The following HNRNPLL variants were observed in gnomAD, a reference collection of about 807,000 sequenced individuals.
The protein encoded by HNRNPLL is heterogeneous nuclear ribonucleoprotein L-like.
Under a neutral mutation model 67.1 loss-of-function variants are expected in HNRNPLL, and 25 were observed. That is an observed-to-expected ratio of 0.37 (90% CI 0.27 to 0.52). The LOEUF (loss-of-function observed/expected upper bound fraction) is 0.52. Ranked by LOEUF, HNRNPLL falls within the 20% of genes least tolerant of loss-of-function variation. HNRNPLL has a pLI of 0.90. For missense variants in HNRNPLL, 542 were observed against 673.9 expected (o/e 0.80, Z 2.17); for synonymous variants, 267 against 241.7 (o/e 1.10, Z -0.97).
Position 38,583,831 on chromosome 2 carries a change from TA to T in HNRNPLL, c.632+9del. The T allele has an allele frequency of 7.4e-7, 1 of 1,344,970 alleles. No homozygotes were observed. Among genetic ancestry groups the T allele is most frequent in the Non-Finnish European group, 1.0e-6 (1 of 959,788 alleles). The allele number at this position is 1,344,970 out of a possible 1,614,324, so 83.3% of individuals were successfully genotyped here. On this transcript the variant is annotated intron_variant, in intron 4 of 12. Transcript: ENST00000449105. Reference sequence around the variant, plus strand: ...TTACACATCAATAAAAATTTACAAATAAAGGATATTCAACCATTGCTTGTAT... The same window carrying T: ...TTACACATCAATAAAAATTTACAAATAAGGATATTCAACCATTGCTTGTAT...
intron 7 of HNRNPLL, among the ~76,000 whole-genome samples, chr2:38,576,382 T>C (rs919601452): frequency 6.6e-6 from 1 of 151,834 alleles, no homozygotes; most frequent in Non-Finnish European, 1.5e-5. Context: ...CCATGTTTAA[T>C]GTTTACTCTG....
rs183949931 is a variant in HNRNPLL, at chr2:38,564,903, T to C, written c.1574-666A>G. ...CTTGGGAAGTAGGTCAAAGCTGGAA[T>C]GTACATGAAGACATCTATGATCCCA... On this transcript the variant is annotated intron_variant, in intron 12 of 12. Transcript: ENST00000449105. Among the ~76,000 whole-genome samples the C allele has an allele frequency of 3.3e-3, 500 of 151,754 alleles. 2 individuals carry two copies. The highest frequency in any genetic ancestry group is 5.4e-3 in the Non-Finnish European group (365 of 67,962).
At chr2:38,576,713 T>A (rs10186867) in intron 7 of HNRNPLL, among the ~76,000 whole-genome samples, 1,796 of 152,000 alleles carry the variant, frequency 0.012, 36 homozygotes, top group African/African-American at 0.041. Flanking sequence ...ATCCCAAGAC[T>A]ACAATATAGC....
intron 1 of HNRNPLL, chr2:38,602,195 A>T: frequency 2.3e-6 from 1 of 442,522 alleles, no homozygotes. Flanking sequence ...ACCCTCCCCA[A>T]GTTCAGGGCC....
rs747701193 is a variant in HNRNPLL at position 38,591,665 on chromosome 2, A to G, written c.190-17T>C. On this transcript the variant is annotated splice_polypyrimidine_tract_variant and intron_variant, in intron 1 of 12. Transcript: ENST00000449105. The stretch of plus-strand genomic sequence containing the variant: ...ACCTGCCTCCTAGCAAGAGAAAATA[A>G]TTTCTAGTTAAAAAAATTTTAAGTC... 1 of 1,562,172 alleles carries G rather than the reference A, an allele frequency of 6.4e-7. No homozygotes were observed. Among genetic ancestry groups the G allele is most frequent in the South Asian group, 1.1e-5 (1 of 89,872 alleles).
intron 2 of HNRNPLL, among the ~76,000 whole-genome samples, chr2:38,586,324 C>A (rs536185100): frequency 6.6e-6 from 1 of 152,228 alleles, no homozygotes; most frequent in African/African-American, 2.4e-5. Flanking sequence ...ACTCTTAAAT[C>A]ATCTGAAGAA....
intron 4 of HNRNPLL, among the ~76,000 whole-genome samples, chr2:38,582,538 T>C (rs1666571468): frequency 6.6e-6 from 1 of 152,138 alleles, no homozygotes; most frequent in Non-Finnish European, 1.5e-5. Flanking sequence ...TCTCGATCTC[T>C]TGACTTCGTG....
At chr2:38,600,154 G>A (rs1667367001) in intron 1 of HNRNPLL, 1 of 213,150 alleles carries the variant, frequency 4.7e-6, no homozygotes, top group Admixed American at 5.8e-5. Flanking sequence ...GATAAACAAG[G>A]CTTCATTAGA....
chr2:38,588,698 TAC>T (rs1219701108), intron 2 of HNRNPLL, among the ~76,000 whole-genome samples: 1 of 152,224 alleles, frequency 6.6e-6, no homozygotes, highest in South Asian at 2.1e-4. Context: ...ACTAAAATGT[TAC>T]AGACATTTTA....
chr2:38,579,378 G>A (rs1028439565), intron 6 of HNRNPLL, among the ~76,000 whole-genome samples: 10 of 151,774 alleles, frequency 6.6e-5, no homozygotes, highest in African/African-American at 2.2e-4. Flanking sequence ...CCTGCACATT[G>A]TGCACATGTA....
At chr2:38,596,231 T>C (rs1667183248) in intron 1 of HNRNPLL, among the ~76,000 whole-genome samples, 1 of 152,308 alleles carries the variant, frequency 6.6e-6, no homozygotes, top group South Asian at 2.1e-4. Context: ...CTGTACTATA[T>C]ACTGGTGACA....
In HNRNPLL at chr2:38,563,405, T is replaced by C. The variant is rs748972124; in HGVS notation, c.*777A>G. On this transcript the variant is annotated 3_prime_UTR_variant, in exon 13 of 13. Coordinates refer to ENST00000449105, the MANE Select transcript of HNRNPLL (RefSeq NM_138394.4). Reference sequence around the variant, plus strand: ...AGCCCACCCATGGATCCCAGATTATTATCTATAAGAGGAACTGTTAATTAT... The same window carrying C: ...AGCCCACCCATGGATCCCAGATTATCATCTATAAGAGGAACTGTTAATTAT... The C allele has an allele frequency of 9.2e-5, 14 of 152,118 alleles. No homozygotes were observed. Among genetic ancestry groups the C allele is most frequent in the Non-Finnish European group, 1.8e-4 (12 of 67,956 alleles). 9.4% of individuals were successfully genotyped at this position (152,118 alleles called of 1,614,324 possible).
At chr2:38,600,278 A>T (rs993203750) in intron 1 of HNRNPLL, among the ~76,000 whole-genome samples, 2 of 145,342 alleles carry the variant, frequency 1.4e-5, no homozygotes, top group African/African-American at 4.9e-5. Context: ...CAATCTGCTT[A>T]TATCAGTTCC....
intron 1 of HNRNPLL, among the ~76,000 whole-genome samples, chr2:38,595,902 G>A (rs539717048): frequency 2.0e-5 from 3 of 152,132 alleles, no homozygotes; most frequent in African/African-American, 4.8e-5. Flanking sequence ...GGAAGATAAC[G>A]ATTATTTCAA....
intron 6 of HNRNPLL, chr2:38,578,145 A>C: frequency 2.6e-6 from 1 of 381,496 alleles, no homozygotes; most frequent in Non-Finnish European, 5.4e-6. Context: ...TCTATTGACC[A>C]TAACACCAGG....
chr2:38,573,466 T>G lies in HNRNPLL; in HGVS notation c.875-39A>C, dbSNP rs778037372. ...CAAAATAAATAAATTAGTTAACATA[T>G]ACACATAGTTGTTTGTAAATACTTT... On this transcript the variant is annotated intron_variant, in intron 7 of 12. Coordinates refer to ENST00000449105, the MANE Select transcript of HNRNPLL (RefSeq NM_138394.4). 1.3e-5 allele frequency: 17 copies of G among 1,299,088 alleles called. No homozygotes were observed. In the South Asian group the frequency reaches 1.9e-4, roughly 14 times the overall value. The allele number at this position is 1,299,088 out of a possible 1,614,324, so 80.5% of individuals were successfully genotyped here. A position where few individuals can be genotyped will look rare whatever the true frequency, so the allele number is the denominator to read the frequency against.
intron 2 of HNRNPLL, among the ~76,000 whole-genome samples, chr2:38,589,843 T>C (rs1008561971): frequency 2.6e-5 from 4 of 152,152 alleles, no homozygotes; most frequent in Admixed American, 2.0e-4. Flanking sequence ...AGAAAATAAA[T>C]TTTAAAGCCC....
In HNRNPLL at chr2:38,602,904, T is replaced by C. The variant is rs778326900; in HGVS notation, c.-278A>G. 1.3e-6 allele frequency: 2 copies of C among 1,534,928 alleles called. No homozygotes were observed. The highest frequency in any genetic ancestry group is 1.4e-5 in the African/African-American group (1 of 72,514). On this transcript the variant is annotated 5_prime_UTR_variant, in exon 1 of 13. Coordinates refer to ENST00000449105, the MANE Select transcript of HNRNPLL (RefSeq NM_138394.4). Reference sequence around the variant, plus strand: ...CTCCTCCTCCTCCGTCTCCGCTCCCTGCCCGGAGGAGCGAATCTAAGGATG... The same window carrying C: ...CTCCTCCTCCTCCGTCTCCGCTCCCCGCCCGGAGGAGCGAATCTAAGGATG...
At position 38,583,846 on chromosome 2, in the gene HNRNPLL, C is replaced by A; in HGVS notation, c.627G>T (p.Met209Ile). The change falls in exon 4 of 13, where the codon ATG (methionine) becomes ATT (isoleucine). Residue 209 changes from methionine to isoleucine, a missense_variant. By Grantham distance (10) the Met-to-Ile change is conservative. Coordinates refer to ENST00000449105, the MANE Select transcript of HNRNPLL (RefSeq NM_138394.4). ...VIFKRNGIQA[M>I]VEFESVLCAQ... ...AATTTACAAATAAAGGATATTCAAC[C>A]ATTGCTTGTATCCCATTTCTCTTGA... 1 of 1,477,872 alleles carries A rather than the reference C, an allele frequency of 6.8e-7. No homozygotes were observed. The highest frequency in any genetic ancestry group is 1.2e-5 in the South Asian group (1 of 83,226). 91.5% of individuals were successfully genotyped at this position (1,477,872 alleles called of 1,614,324 possible). A position where few individuals can be genotyped will look rare whatever the true frequency, so the allele number is the denominator to read the frequency against.
Sources: allele counts gnomAD v4.1 joint callset (sites outside exome capture counted in the v4.1 genomes callset), GRCh38; gene constraint gnomAD v4.1.1; transcripts MANE v1.5; gene names NCBI Gene and HGNC (gene_info 2026-07-23, HGNC 2026-07-21).